RHO: variants seen among roughly 807,000 people sequenced by gnomAD.
RHO encodes opsin 2, rod pigment.
Under a neutral mutation model 31.2 loss-of-function variants are expected in RHO, and 21 were observed. That is an observed-to-expected ratio of 0.67 (90% CI 0.48 to 0.97). The LOEUF is 0.97. Among genes scored for constraint, RHO ranks in the 50% least tolerant of loss-of-function variants. The probability of loss-of-function intolerance (pLI) is 0.00; values close to 1 mark genes in which losing one functional copy is unlikely to be tolerated. For synonymous variants in RHO, 211 were observed against 196.6 expected (o/e 1.07, Z -0.61); for missense variants, 414 against 479.5 (o/e 0.86, Z 1.28).
At chr3:129,530,718 C>G (rs1027184412) in intron 1 of RHO, among the ~76,000 whole-genome samples, 158 bp from the exon 2 acceptor site, 11 of 152,180 alleles carry the variant, frequency 7.2e-5, no homozygotes, top group African/African-American at 2.7e-4. Context: ...TGCCCCTTCC[C>G]CCTCCTCCCA....
Position 129,534,926 on chromosome 3 carries a change from G to A in RHO, c.*1208G>A, listed in dbSNP as rs3733149. The A allele has an allele frequency of 8.5e-5, 13 of 152,698 alleles. No individual in the cohort carries two copies. The East Asian group carries it at 2.3e-3, about 27-fold the overall frequency. The allele number at this position is 152,698 out of a possible 1,614,324, so 9.5% of individuals were successfully genotyped here. On this transcript the variant is annotated 3_prime_UTR_variant, in exon 5 of 5. Transcript: ENST00000296271. ...CCTACCTTCCTTGGGGATGTTCATGGGCCCCAGTTTCCAGTTTCCCTTGCC... is the reference window on the plus strand; with the variant it reads ...CCTACCTTCCTTGGGGATGTTCATGAGCCCCAGTTTCCAGTTTCCCTTGCC...
At position 129,530,904 on chromosome 3, in the gene RHO, C is replaced by T. The variant is rs1246476415; in HGVS notation, c.390C>T (p.Val130=). 4 of 1,614,132 alleles carry T rather than the reference C, an allele frequency of 2.5e-6. No homozygotes were observed. Among genetic ancestry groups the T allele is most frequent in the Non-Finnish European group, 2.5e-6 (3 of 1,180,052 alleles). ...AAATTGCCCTGTGGTCCTTGGTGGT[C>T]CTGGCCATCGAGCGGTACGTGGTGG... ...GGEIALWSLV[V]LAIERYVVVC... Residue 130 remains valine (V), a synonymous_variant, in exon 2 of 5, where the codon GTC becomes GTT. Coordinates refer to ENST00000296271, the MANE Select transcript of RHO (RefSeq NM_000539.3).
At chr3:129,533,429 C>G (rs772528490) in intron 4 of RHO, among the ~76,000 whole-genome samples, 179 bp from the exon 5 acceptor site, 8 of 152,194 alleles carry the variant, frequency 5.3e-5, no homozygotes, top group Non-Finnish European at 8.8e-5. Context: ...CCTGGCATCT[C>G]TAGGGGTGAG....
chr3:129,529,065 A>G lies in RHO; in HGVS notation c.332A>G (p.Asn111Ser), dbSNP rs745851408. Residue 111 changes from asparagine to serine, a missense_variant, in exon 1 of 5, where the codon AAT becomes AGT. Physicochemically the swap from Asn to Ser is conservative, Grantham distance 46. Transcript: ENST00000296271. ...GYFVFGPTGC[N>S]LEGFFATLGG... The stretch of plus-strand genomic sequence containing the variant: ...TTCGTCTTCGGGCCCACAGGATGCA[A>G]TTTGGAGGGCTTCTTTGCCACCCTG... 5 of 1,613,232 alleles carry G rather than the reference A, an allele frequency of 3.1e-6. No individual in the cohort carries two copies. The South Asian group carries it at 4.4e-5, about 14-fold the overall frequency.
At chr3:129,530,552 A>G (rs1169200718) in intron 1 of RHO, among the ~76,000 whole-genome samples, 2 of 151,532 alleles carry the variant, frequency 1.3e-5, no homozygotes, top group Non-Finnish European at 2.9e-5. Flanking sequence ...ACACACACAC[A>G]CACACACACA....
At chr3:129,529,782 A>T (rs1018943119) in intron 1 of RHO, among the ~76,000 whole-genome samples, 1 of 152,224 alleles carries the variant, frequency 6.6e-6, no homozygotes, top group African/African-American at 2.4e-5. Context: ...TCTTGCATTT[A>T]ACAGGAAAAC....
Position 129,529,099 on chromosome 3 carries a change from G to T in RHO, c.361+5G>T. On this transcript the variant is annotated splice_donor_5th_base_variant and intron_variant, in intron 1 of 4. Transcript: ENST00000296271. The stretch of plus-strand genomic sequence containing the variant: ...GCTTCTTTGCCACCCTGGGCGGTAT[G>T]AGCCGGGTGTGGGTGGGGTGTGCAG... 6.2e-7 allele frequency: 1 copy of T among 1,610,978 alleles called. No individual in the cohort carries two copies.
intron 1 of RHO, 124 bp downstream of exon 1, chr3:129,529,218 C>G (rs1240025893): frequency 4.0e-6 from 5 of 1,242,254 alleles, no homozygotes; most frequent in Non-Finnish European, 5.5e-6. Context: ...CAATGTTATC[C>G]AAAGCCCTCA....
chr3:129,532,657 A>T lies in RHO; in HGVS notation c.821A>T (p.Tyr274Phe). The part of the protein sequence containing the change: ...CWVPYASVAF[Y>F]IFTHQGSNFG... ...GTGCCCTACGCCAGCGTGGCATTCT[A>T]CATCTTCACCCACCAGGGCTCCAAC... The change falls in exon 4 of 5, where the codon TAC becomes TTC. Residue 274 changes from tyrosine (Y) to phenylalanine (F), a missense_variant. Coordinates refer to ENST00000296271, the MANE Select transcript of RHO (RefSeq NM_000539.3). This position sits in a 1 kb window ranked among gnomAD's most constrained non-coding sequence, Gnocchi z 5.5. The T allele has an allele frequency of 6.2e-7, 1 of 1,614,256 alleles. No homozygotes were observed. Among genetic ancestry groups the T allele is most frequent in the Non-Finnish European group, 8.5e-7 (1 of 1,180,048 alleles).
In RHO at chr3:129,532,685, C is replaced by T. The variant is rs377120794; in HGVS notation, c.849C>T (p.Phe283=). ...FYIFTHQGSN[F]GPIFMTIPAF... is the part of the protein sequence containing the mutation. ...TCTTCACCCACCAGGGCTCCAACTT[C>T]GGTCCCATCTTCATGACCATCCCAG... The change falls in exon 4 of 5, where the codon TTC becomes TTT. Residue 283 remains phenylalanine, a synonymous_variant. Coordinates refer to ENST00000296271, the MANE Select transcript of RHO (RefSeq NM_000539.3). The surrounding 1 kb of genome is among the most constrained non-coding windows in gnomAD (Gnocchi z 5.5). 6.8e-6 allele frequency: 11 copies of T among 1,614,142 alleles called. No individual in the cohort carries two copies. The highest frequency in any genetic ancestry group is 3.3e-5 in the Admixed American group (2 of 60,016).
chr3:129,533,731 A>T lies in RHO; in HGVS notation c.*13A>T, dbSNP rs1215381293. 5 of 1,580,562 alleles carry T rather than the reference A, an allele frequency of 3.2e-6. No individual in the cohort carries two copies. Among genetic ancestry groups the T allele is most frequent in the Non-Finnish European group, 4.3e-6 (5 of 1,150,112 alleles). Reference sequence around the variant, plus strand: ...GGCCCCGGCCTAAGACCTGCCTAGGACTCTGTGGCCGACTATAGGCGTCTC... The same window carrying T: ...GGCCCCGGCCTAAGACCTGCCTAGGTCTCTGTGGCCGACTATAGGCGTCTC... On this transcript the variant is annotated 3_prime_UTR_variant, in exon 5 of 5. Transcript: ENST00000296271.
At position 129,532,658 on chromosome 3, in the gene RHO, C is replaced by T. The variant is rs1396983168; in HGVS notation, c.822C>T (p.Tyr274=). The change falls in exon 4 of 5, where the codon TAC becomes TAT. Residue 274 remains tyrosine, a synonymous_variant. Transcript: ENST00000296271. The surrounding 1 kb of genome is among the most constrained non-coding windows in gnomAD (Gnocchi z 5.5). ...CWVPYASVAF[Y]IFTHQGSNFG... ...TGCCCTACGCCAGCGTGGCATTCTA[C>T]ATCTTCACCCACCAGGGCTCCAACT... 1.9e-6 allele frequency: 3 copies of T among 1,614,284 alleles called. No homozygotes were observed. Among genetic ancestry groups the T allele is most frequent in the Non-Finnish European group, 2.5e-6 (3 of 1,180,050 alleles).
At chr3:129,533,578 T>G (rs1358934207) in intron 4 of RHO, 30 bp from the exon 5 acceptor site, 2 of 1,534,554 alleles carry the variant, frequency 1.3e-6, no homozygotes, top group South Asian at 2.2e-5. Flanking sequence ...TGGGCAGCCC[T>G]GGCCCTGACT....
Position 129,532,201 on chromosome 3 carries a change from C to G in RHO, c.531-50C>G, listed in dbSNP as rs2084785067. On this transcript the variant is annotated intron_variant, in intron 2 of 4. Coordinates refer to ENST00000296271, the MANE Select transcript of RHO (RefSeq NM_000539.3). This position sits in a 1 kb window ranked among gnomAD's most constrained non-coding sequence, Gnocchi z 5.5. ...GGCCAGCGCTCGGCAGCCACCTTGGCTGTTCCCAAGTCCCTCACAGGCAGG... is the reference window on the plus strand; with the variant it reads ...GGCCAGCGCTCGGCAGCCACCTTGGGTGTTCCCAAGTCCCTCACAGGCAGG... The G allele has an allele frequency of 6.5e-7, 1 of 1,548,972 alleles. No individual in the cohort carries two copies. The highest frequency in any genetic ancestry group is 1.7e-5 in the Admixed American group (1 of 59,870).
rs1560046837 is a variant in RHO at position 129,532,258 on chromosome 3, C to T, written c.538C>T (p.Pro180Ser). ...PPLAGWSRYI[P>S]EGLQCSCGID... ...CTACCTGCCTGTCCTCAGGTACATC[C>T]CCGAGGGCCTGCAGTGCTCGTGTGG... is the stretch of plus-strand genomic sequence containing the variant. Residue 180 changes from proline to serine, a missense_variant, in exon 3 of 5, where the codon CCC becomes TCC. Coordinates refer to ENST00000296271, the MANE Select transcript of RHO (RefSeq NM_000539.3). The surrounding 1 kb of genome is among the most constrained non-coding windows in gnomAD (Gnocchi z 5.5). 6.2e-7 allele frequency: 1 copy of T among 1,613,962 alleles called. No individual in the cohort carries two copies. The highest frequency in any genetic ancestry group is 8.5e-7 in the Non-Finnish European group (1 of 1,179,990).
In RHO at chr3:129,532,826, C is replaced by A. The variant is rs2084793996; in HGVS notation, c.936+54C>A. The A allele has an allele frequency of 1.2e-6, 2 of 1,609,702 alleles. No individual in the cohort carries two copies. The highest frequency in any genetic ancestry group is 2.7e-5 in the African/African-American group (2 of 75,042). ...TGCCCCAGGCCACAGGCGCTGCCTG[C>A]CAAGGACAAGCTACTTCCCAGGGCA... On this transcript the variant is annotated intron_variant, in intron 4 of 4. Transcript: ENST00000296271. The surrounding 1 kb of genome is among the most constrained non-coding windows in gnomAD (Gnocchi z 5.5).
At chr3:129,529,939 G>A (rs967085224) in intron 1 of RHO, among the ~76,000 whole-genome samples, 3 of 152,182 alleles carry the variant, frequency 2.0e-5, no homozygotes, top group African/African-American at 7.2e-5. Context: ...TCTCTGCTGA[G>A]ATGCAGGAGG....
At chr3:129,530,010 G>A (rs1054009367) in intron 1 of RHO, among the ~76,000 whole-genome samples, 25 of 152,318 alleles carry the variant, frequency 1.6e-4, no homozygotes, top group African/African-American at 4.8e-4. Flanking sequence ...CCAGCCACAA[G>A]CGTCTCTCTG....
rs779609930 is a variant in RHO, at chr3:129,531,030, C to T, written c.516C>T (p.Leu172=). 104 of 1,613,866 alleles carry T rather than the reference C, an allele frequency of 6.4e-5. 1 individual carries two copies. The highest frequency in any genetic ancestry group is 6.7e-5 in the African/African-American group (5 of 74,936). Residue 172 remains leucine, a synonymous_variant, in exon 2 of 5, where the codon CTC becomes CTT. Coordinates refer to ENST00000296271, the MANE Select transcript of RHO (RefSeq NM_000539.3). ...VMALACAAPP[L]AGWSRYIPEG... is the part of the protein sequence containing the mutation. ...CGCTGGCCTGCGCCGCACCCCCACT[C>T]GCCGGCTGGTCCAGGTAATGGCACT...
Sources: gnomAD v4.1 joint callset for allele counts (sites outside exome capture counted in the v4.1 genomes callset) on GRCh38, gnomAD v4.1.1 for gene constraint, Gnocchi (gnomAD v3.1) non-coding constraint, MANE v1.5 for transcripts, NCBI Gene and HGNC (gene_info 2026-07-23, HGNC 2026-07-21) for gene names.